CAST: variants seen among roughly 807,000 people sequenced by gnomAD.
CAST encodes MIR583 host.
Under a neutral mutation model 119.6 loss-of-function variants are expected in CAST, and 76 were observed. That is an observed-to-expected ratio of 0.64 (90% CI 0.53 to 0.77). The LOEUF is 0.77. Ranked by LOEUF, CAST falls within the 30% of genes least tolerant of loss-of-function variation. The pLI, the probability that CAST is intolerant of heterozygous loss-of-function variation, is 0.00. For synonymous variants in CAST, 319 were observed against 331.6 expected (o/e 0.96, Z 0.41); for missense variants, 953 against 946.5 (o/e 1.01, Z -0.09).
chr5:96,599,971 A>AAAGAAAAAAAAG (rs1747116690), intron 1 of CAST, among the ~76,000 whole-genome samples: 1 of 142,636 alleles, frequency 7.0e-6, no homozygotes, highest in South Asian at 2.3e-4. Context: ...TTAGGCAAAA[A>AAAGAAAAAAAAG]AAAAAAAAAA....
the CAST span, among the ~76,000 whole-genome samples, chr5:96,238,384 C>CCTTCTTCTCCTTCTTCTT: frequency 9.1e-6 from 1 of 109,622 alleles, no homozygotes; most frequent in Admixed American, 9.0e-5. Flanking sequence ...TCCTTCTTCT[C>CCTTCTTCTCCTTCTTCTT]CTTCTTCTTC....
chr5:96,444,555 T>C, the CAST span, among the ~76,000 whole-genome samples: 1 of 152,166 alleles, frequency 6.6e-6, no homozygotes, highest in East Asian at 1.9e-4. Flanking sequence ...CTTTTTTCTT[T>C]ATGCCAAAAT....
chr5:96,405,389 C>T, the CAST span, among the ~76,000 whole-genome samples: 2 of 152,138 alleles, frequency 1.3e-5, no homozygotes, highest in African/African-American at 2.4e-5. Context: ...GATTCATGGA[C>T]CCCTTGGAAC....
intron 3 of CAST, among the ~76,000 whole-genome samples, chr5:96,700,086 G>C (rs1753707451): frequency 6.6e-6 from 1 of 152,164 alleles, no homozygotes. Context: ...ATCTGTAATA[G>C]GAGTGAGGGT....
At chr5:96,475,740 G>C in the CAST span, among the ~76,000 whole-genome samples, 40 of 152,220 alleles carry the variant, frequency 2.6e-4, no homozygotes, top group Admixed American at 1.6e-3. Context: ...GCAATGGTTT[G>C]GGGATGGAAT....
At chr5:95,977,330 T>G in the CAST span, among the ~76,000 whole-genome samples, 3 of 152,216 alleles carry the variant, frequency 2.0e-5, no homozygotes. Context: ...CCTCAAGCCA[T>G]TTTGTAAGGT....
chr5:96,366,549 ACTTCT>A, the CAST span, among the ~76,000 whole-genome samples: 1 of 151,772 alleles, frequency 6.6e-6, no homozygotes, highest in African/African-American at 2.4e-5. Flanking sequence ...TTTTCTCTAA[ACTTCT>A]CTTCTCACTT....
At chr5:96,033,055 G>A in the CAST span, among the ~76,000 whole-genome samples, 1 of 151,680 alleles carries the variant, frequency 6.6e-6, no homozygotes, top group African/African-American at 2.4e-5. Flanking sequence ...AAGAAATGAA[G>A]AAAACTATCC....
upstream of CAST, chr5:96,662,322 T>TACCA: frequency 1.8e-6 from 1 of 567,042 alleles, no homozygotes; most frequent in Non-Finnish European, 2.5e-6. Flanking sequence ...GGCCCTCCGC[T>TACCA]CCCTCCCTCC....
chr5:96,662,367 C>T (rs1748648655), upstream of CAST: 13 of 1,399,806 alleles, frequency 9.3e-6, no homozygotes, highest in Non-Finnish European at 1.2e-5. Flanking sequence ...CCCGCCAGGC[C>T]TCCCCGCCAC....
At chr5:95,961,546 G>C in the CAST span, 3 of 1,549,384 alleles carry the variant, frequency 1.9e-6, no homozygotes, top group South Asian at 1.2e-5. Context: ...CTGCCTCTCT[G>C]AGCCCAGCCT....
chr5:96,345,065 C>T, the CAST span, among the ~76,000 whole-genome samples: 2 of 152,244 alleles, frequency 1.3e-5, no homozygotes, highest in South Asian at 4.1e-4. Flanking sequence ...GTATTTTGCA[C>T]ATCGCTTTCT....
the CAST span, among the ~76,000 whole-genome samples, chr5:96,133,433 G>A: frequency 6.6e-6 from 1 of 152,154 alleles, no homozygotes; most frequent in Non-Finnish European, 1.5e-5. Context: ...GAAACCTTAG[G>A]TTCTAGTCTT....
At chr5:96,332,062 C>T in the CAST span, among the ~76,000 whole-genome samples, 4 of 152,190 alleles carry the variant, frequency 2.6e-5, no homozygotes, top group African/African-American at 7.2e-5. Context: ...TGTAAGTGAT[C>T]TGGGATAAAG....
chr5:96,376,742 A>G, the CAST span, among the ~76,000 whole-genome samples: 2 of 152,206 alleles, frequency 1.3e-5, no homozygotes, highest in African/African-American at 2.4e-5. Flanking sequence ...ACCCAGCCCC[A>G]TACTATATTT....
the CAST span, among the ~76,000 whole-genome samples, chr5:96,170,259 T>A: frequency 0.016 from 2,368 of 152,262 alleles, 29 homozygotes; most frequent in Non-Finnish European, 0.025. Context: ...AGTGGGGTCC[T>A]GCACAGATGG....
chr5:96,049,682 C>T, the CAST span, among the ~76,000 whole-genome samples: 1 of 151,832 alleles, frequency 6.6e-6, no homozygotes, highest in East Asian at 1.9e-4. Flanking sequence ...GAATTATGAG[C>T]TCAGTGTAGA....
chr5:96,563,225 CT>C (rs1459517541), intron 1 of CAST, among the ~76,000 whole-genome samples: 2 of 152,152 alleles, frequency 1.3e-5, no homozygotes, highest in African/African-American at 4.8e-5. Context: ...TTAGGTTTAA[CT>C]ATTTCTTTGG....
At chr5:96,248,114 A>G in the CAST span, 1 of 152,224 alleles carries the variant, frequency 6.6e-6, no homozygotes, top group Non-Finnish European at 1.5e-5. Flanking sequence ...ACACCTACCG[A>G]AAATGCTGGT....
Sources: allele counts gnomAD v4.1 joint callset (sites outside exome capture counted in the v4.1 genomes callset), GRCh38; gene constraint gnomAD v4.1.1; transcripts MANE v1.5; gene names NCBI Gene and HGNC (gene_info 2026-07-23, HGNC 2026-07-21).